SCN4A: variants seen among roughly 807,000 people sequenced by gnomAD.
SCN4A encodes sodium channel protein type 4 subunit alpha.
Under a neutral mutation model 162.0 loss-of-function variants are expected in SCN4A, and 83 were observed. The observed-to-expected ratio is 0.51, with a 90% CI of 0.43 to 0.61. SCN4A has a LOEUF of 0.61. Among genes scored for constraint, SCN4A ranks in the 20% least tolerant of loss-of-function variants. The probability of loss-of-function intolerance (pLI) is 0.00; values close to 1 mark genes in which losing one functional copy is unlikely to be tolerated. For synonymous variants in SCN4A, 944 were observed against 985.1 expected (o/e 0.96, Z 0.78); for missense variants, 2,196 against 2,462.5 (o/e 0.89, Z 2.29).
chr17:63,944,405 C>T lies in SCN4A; in HGVS notation c.3912+268G>A, dbSNP rs1247793979. Among the ~76,000 whole-genome samples, 8 of 152,124 alleles carry T rather than the reference C, an allele frequency of 5.3e-5. No individual in the cohort carries two copies. Among genetic ancestry groups the T allele is most frequent in the Admixed American group, 3.3e-4 (5 of 15,274 alleles). On this transcript the variant is annotated intron_variant, in intron 21 of 23. Coordinates refer to ENST00000435607, the MANE Select transcript of SCN4A (RefSeq NM_000334.4). The surrounding 1 kb of genome is among the most constrained non-coding windows in gnomAD (Gnocchi z 4.3). ...TCCTGACCTTGTGATCCGCCCGCCTCGGCCTCCCAAAGTGCTGGGATTACA... is the reference window on the plus strand; with the variant it reads ...TCCTGACCTTGTGATCCGCCCGCCTTGGCCTCCCAAAGTGCTGGGATTACA...
chr17:63,943,627 C>T, intron 22 of SCN4A, 119 bp downstream of exon 22: 2 of 662,768 alleles, frequency 3.0e-6, no homozygotes, highest in Middle Eastern at 4.2e-4. Flanking sequence ...CTGGGGTGGG[C>T]CTAACCTCAC....
chr17:63,947,922 C>T lies in SCN4A; in HGVS notation c.3286G>A (p.Ala1096Thr), dbSNP rs766002690. ...AYGFKVYFTN[A>T]WCWLDFLIVD... Reference sequence around the variant, plus strand: ...ATGAGGAAGTCGAGCCAGCACCAGGCGTTGGTGAAGTACACCTTAAAGCCG... The same window carrying T: ...ATGAGGAAGTCGAGCCAGCACCAGGTGTTGGTGAAGTACACCTTAAAGCCG... The change falls in exon 17 of 24, where the codon GCC becomes ACC. Residue 1096 changes from alanine (A) to threonine (T), a missense_variant. Coordinates refer to ENST00000435607, the MANE Select transcript of SCN4A (RefSeq NM_000334.4). 9 of 1,613,676 alleles carry T rather than the reference C, an allele frequency of 5.6e-6. No homozygotes were observed. The highest frequency in any genetic ancestry group is 1.3e-5 in the African/African-American group (1 of 74,916).
At position 63,951,487 on chromosome 17, in the gene SCN4A, C is replaced by A; in HGVS notation, c.2790G>T (p.Glu930Asp). 1 of 1,612,106 alleles carries A rather than the reference C, an allele frequency of 6.2e-7. No homozygotes were observed. Among genetic ancestry groups the A allele is most frequent in the Non-Finnish European group, 8.5e-7 (1 of 1,178,286 alleles). The part of the protein sequence containing the change: ...LTIQVPIASE[E>D]SDLEMPTEEE... The stretch of plus-strand genomic sequence containing the variant: ...CCTCGGTGGGCATCTCCAGGTCGGA[C>A]TCCTCGGAGGCGATGGGCACCTGTA... Residue 930 changes from glutamate (E) to aspartate (D), a missense_variant, in exon 14 of 24, where the codon GAG becomes GAT. Glu to Asp is a conservative substitution (Grantham distance 45). Transcript: ENST00000435607. The surrounding 1 kb of genome is among the most constrained non-coding windows in gnomAD (Gnocchi z 4.5).
intron 23 of SCN4A, among the ~76,000 whole-genome samples, 155 bp downstream of exon 23, chr17:63,942,671 G>A (rs1173027368): frequency 6.6e-6 from 1 of 152,228 alleles, no homozygotes; most frequent in East Asian, 1.9e-4. Context: ...TGCACACCAT[G>A]TGCCTTTGTG....
rs558864542 is a variant in SCN4A, at chr17:63,944,751, G to A, written c.3834C>T (p.Phe1278=). 1 of 1,613,802 alleles carries A rather than the reference G, an allele frequency of 6.2e-7. No homozygotes were observed. The highest frequency in any genetic ancestry group is 1.1e-5 in the South Asian group (1 of 91,018). ...GGGTGAAGAAGGAGCCAAAGATGAT[G>A]AAGATGACAAAGTAGAGGTACATGT... ...NLYMYLYFVI[F]IIFGSFFTLN... The change falls in exon 21 of 24, where the codon TTC becomes TTT. Residue 1278 remains phenylalanine (F), a synonymous_variant. Transcript: ENST00000435607. This position sits in a 1 kb window ranked among gnomAD's most constrained non-coding sequence, Gnocchi z 4.3.
intron 11 of SCN4A, among the ~76,000 whole-genome samples, chr17:63,959,977 C>T (rs1909194653): frequency 1.3e-5 from 2 of 152,210 alleles, no homozygotes; most frequent in Non-Finnish European, 2.9e-5. Context: ...GGACCACTCC[C>T]AGGATCTTGC....
chr17:63,971,226 GC>G lies in SCN4A; in HGVS notation c.638del (p.Gly213AlafsTer6). 1 of 1,543,840 alleles carries G rather than the reference GC, an allele frequency of 6.5e-7. No individual in the cohort carries two copies. Among genetic ancestry groups the G allele is most frequent in the Non-Finnish European group, 8.7e-7 (1 of 1,143,142 alleles). On this transcript the variant is annotated frameshift_variant, in exon 5 of 24. Transcript: ENST00000435607. LOFTEE classifies it high-confidence loss of function. ...GGAAGGTCCTCAGGGCTGAGATGTT[GC>G]CCAAGTCCACAAACTCTGTCAGGTA... ...MAYLTEFVDL[G>X]NISALRTFRV...
intron 5 of SCN4A, among the ~76,000 whole-genome samples, chr17:63,969,141 C>A (rs762780319): frequency 6.6e-6 from 1 of 152,222 alleles, no homozygotes; most frequent in Non-Finnish European, 1.5e-5. Context: ...CCTCACCTGG[C>A]CTATTAAACA....
At chr17:63,943,995 G>A in intron 21 of SCN4A, 145 bp from the exon 22 acceptor site, 1 of 622,810 alleles carries the variant, frequency 1.6e-6, no homozygotes. Context: ...GTCAGAGATG[G>A]AGGGACAAGG....
rs1333298605 is a variant in SCN4A, at chr17:63,948,020, G to A, written c.3188C>T (p.Thr1063Ile). The change falls in exon 17 of 24, where the codon ACC becomes ATC. Residue 1063 changes from threonine to isoleucine, a missense_variant. Transcript: ENST00000435607. ...IYIEQRRVIR[T>I]ILEYADKVFT... Reference sequence around the variant, plus strand: ...GACCTTGTCGGCATATTCTAGGATGGTGCGAATGACTCGCCGCTGCTCAAT... The same window carrying A: ...GACCTTGTCGGCATATTCTAGGATGATGCGAATGACTCGCCGCTGCTCAAT... The A allele has an allele frequency of 6.2e-7, 1 of 1,613,128 alleles. No homozygotes were observed. The highest frequency in any genetic ancestry group is 1.1e-5 in the South Asian group (1 of 91,004).
In SCN4A at chr17:63,968,100, G is replaced by C; in HGVS notation, c.959C>G (p.Ala320Gly). ...EMWYGNDSWY[A>G]NDTWNSHASW... ...TGCATGGCTGTTCCACGTGTCGTTG[G>C]CATACCATGAGTCATTGCCGTACCA... The change falls in exon 6 of 24, where the codon GCC becomes GGC. Residue 320 changes from alanine (A) to glycine (G), a missense_variant. Ala to Gly is a moderately conservative substitution (Grantham distance 60). Transcript: ENST00000435607. 6.2e-7 allele frequency: 1 copy of C among 1,613,888 alleles called. No individual in the cohort carries two copies. Among genetic ancestry groups the C allele is most frequent in the African/African-American group, 1.3e-5 (1 of 75,004 alleles).
chr17:63,947,898 T>G lies in SCN4A; in HGVS notation c.3310A>C (p.Ile1104Leu). The change falls in exon 17 of 24, where the codon ATC becomes CTC. Residue 1104 changes from isoleucine (I) to leucine (L), a missense_variant. By Grantham distance (5) the Ile-to-Leu change is conservative. Transcript: ENST00000435607. ...AGCGTGGGGGGACTCACATCCACGA[T>G]GAGGAAGTCGAGCCAGCACCAGGCG... Reference protein sequence around the residue: ...TNAWCWLDFLIVDVSIISLVA... With the variant: ...TNAWCWLDFLLVDVSIISLVA... The G allele has an allele frequency of 8.7e-6, 14 of 1,612,972 alleles. No homozygotes were observed. The highest frequency in any genetic ancestry group is 1.1e-5 in the South Asian group (1 of 91,026).
rs372002602 is a variant in SCN4A at position 63,941,245 on chromosome 17, G to A, written c.5037C>T (p.Ile1679=). 6.7e-5 allele frequency: 108 copies of A among 1,613,886 alleles called. No homozygotes were observed. In the African/African-American group the frequency reaches 7.2e-4, roughly 11 times the overall value. ...VPGDKIHCLD[I]LFALTKEVLG... ...GGACCTCTTTGGTCAGGGCAAAGAGGATGTCCAGGCAGTGGATCTTGTCCC... is the reference window on the plus strand; with the variant it reads ...GGACCTCTTTGGTCAGGGCAAAGAGAATGTCCAGGCAGTGGATCTTGTCCC... The change falls in exon 24 of 24, where the codon ATC becomes ATT. Residue 1679 remains isoleucine (I), a synonymous_variant. Transcript: ENST00000435607. This position sits in a 1 kb window ranked among gnomAD's most constrained non-coding sequence, Gnocchi z 6.2.
rs753318973 is a variant in SCN4A at position 63,947,987 on chromosome 17, T to A, written c.3221A>T (p.Tyr1074Phe). Residue 1074 changes from tyrosine (Y) to phenylalanine (F), a missense_variant, in exon 17 of 24, where the codon TAC (tyrosine) becomes TTC (phenylalanine). Transcript: ENST00000435607. ...GAGCAGCATCTCCATGATGAAGATGTAGGTGAAGACCTTGTCGGCATATTC... is the reference window on the plus strand; with the variant it reads ...GAGCAGCATCTCCATGATGAAGATGAAGGTGAAGACCTTGTCGGCATATTC... ...ILEYADKVFTYIFIMEMLLKW... is the reference protein window; with the variant it reads ...ILEYADKVFTFIFIMEMLLKW... 9.3e-6 allele frequency: 15 copies of A among 1,613,834 alleles called. No individual in the cohort carries two copies. The African/African-American group carries it at 2.0e-4, about 22-fold the overall frequency.
intron 4 of SCN4A, 101 bp downstream of exon 4, chr17:63,971,621 A>T: frequency 9.2e-7 from 1 of 1,082,458 alleles, no homozygotes; most frequent in Non-Finnish European, 1.4e-6. Context: ...CAACTGACCG[A>T]TGTCCCCTGC....
At chr17:63,961,459 G>C (rs201805111) in intron 10 of SCN4A, 28 bp from the exon 11 acceptor site, 1 of 1,545,336 alleles carries the variant, frequency 6.5e-7, no homozygotes, top group Non-Finnish European at 8.9e-7. Context: ...GCAGGTATCT[G>C]GTGAGGATTA....
At position 63,940,691 on chromosome 17, in the gene SCN4A, T is replaced by C; in HGVS notation, c.*80A>G. 3.4e-6 allele frequency: 5 copies of C among 1,478,140 alleles called. No homozygotes were observed. Among genetic ancestry groups the C allele is most frequent in the Non-Finnish European group, 4.5e-6 (5 of 1,104,680 alleles). 91.6% of individuals were successfully genotyped at this position (1,478,140 alleles called of 1,614,324 possible). On this transcript the variant is annotated 3_prime_UTR_variant, in exon 24 of 24. Coordinates refer to ENST00000435607, the MANE Select transcript of SCN4A (RefSeq NM_000334.4). ...CACAGTCCCAGATTCAAAGCCCTCC[T>C]CCCTCACTCTGTGTGCAGGCACCAC... is the stretch of plus-strand genomic sequence containing the variant.
At chr17:63,958,109 C>T (rs1287225928) in intron 12 of SCN4A, among the ~76,000 whole-genome samples, 1 of 152,034 alleles carries the variant, frequency 6.6e-6, no homozygotes, top group Non-Finnish European at 1.5e-5. Context: ...TTGGCTCACA[C>T]CTGTAATCCC....
intron 13 of SCN4A, among the ~76,000 whole-genome samples, chr17:63,955,742 A>G (rs1228860985): frequency 4.0e-5 from 6 of 150,448 alleles, no homozygotes; most frequent in Non-Finnish European, 7.4e-5. Context: ...CTCTCTCCCC[A>G]CTCCCTAAGA....
Sources: gnomAD v4.1 joint callset for allele counts (sites outside exome capture counted in the v4.1 genomes callset) on GRCh38, gnomAD v4.1.1 for gene constraint, Gnocchi (gnomAD v3.1) non-coding constraint, MANE v1.5 for transcripts, NCBI Gene and HGNC (gene_info 2026-07-23, HGNC 2026-07-21) for gene names.